The following DDHD1 variants were observed in gnomAD, a reference collection of about 807,000 sequenced individuals.
DDHD1 encodes the protein DDHD domain containing 1.
In DDHD1, 49 loss-of-function variants were observed where a neutral mutation model predicts 96.4. The observed-to-expected ratio is 0.51, with a 90% CI of 0.40 to 0.64. DDHD1 has a LOEUF of 0.64. Ranked by LOEUF, DDHD1 falls within the 30% of genes least tolerant of loss-of-function variation. The pLI, the probability that DDHD1 is intolerant of heterozygous loss-of-function variation, is 0.00. For synonymous variants in DDHD1, 442 were observed against 446.5 expected (o/e 0.99, Z 0.13); for missense variants, 1,106 against 1,161.2 (o/e 0.95, Z 0.69).
chr14:53,051,988 A>G (rs374513190), intron 11 of DDHD1, 61 bp from the exon 12 acceptor site: 52 of 1,307,260 alleles, frequency 4.0e-5, no homozygotes, highest in East Asian at 7.5e-5. Flanking sequence ...ATGGCCTTCA[A>G]TGATGTAGTG....
Position 53,152,762 on chromosome 14 carries a change from T to TGCCGCC in DDHD1, c.331_336dup (p.Gly111_Gly112dup), listed in dbSNP as rs55671452. Reference sequence around the variant, plus strand: ...TGCGGCGGGTGCAGCGACAAGGAGCTGCCGCCGCCGCCGCTCTCACCCTCG... The same window carrying TGCCGCC: ...TGCGGCGGGTGCAGCGACAAGGAGCTGCCGCCGCCGCCGCCGCCGCTCTCACCCTCG... On this transcript the variant is annotated inframe_insertion, in exon 1 of 13. Transcript: ENST00000673822. The TGCCGCC allele has an allele frequency of 0.82, 1,292,495 of 1,576,386 alleles. 533,603 individuals are homozygous for TGCCGCC. Among genetic ancestry groups the TGCCGCC allele is most frequent in the East Asian group, 0.94 (40,894 of 43,356 alleles).
chr14:53,133,258 C>T (rs1890002458), intron 1 of DDHD1, among the ~76,000 whole-genome samples: 1 of 152,192 alleles, frequency 6.6e-6, no homozygotes, highest in African/African-American at 2.4e-5. Context: ...ACTCACATGC[C>T]TCGAGTCAGG....
At chr14:53,140,879 C>T (rs940008467) in intron 1 of DDHD1, among the ~76,000 whole-genome samples, 1 of 152,032 alleles carries the variant, frequency 6.6e-6, no homozygotes, top group African/African-American at 2.4e-5. Context: ...GGAAAAGATA[C>T]AAATTGCAAA....
rs144666891 is a variant in DDHD1 at position 53,086,467 on chromosome 14, C to T, written c.1289+5318G>A. ...ATGGCGGATCTCTCGGCAGAAACTCCACAAGCCAGAAGAGAGTGGGGGCCA... is the reference window on the plus strand; with the variant it reads ...ATGGCGGATCTCTCGGCAGAAACTCTACAAGCCAGAAGAGAGTGGGGGCCA... On this transcript the variant is annotated intron_variant, in intron 4 of 12. Coordinates refer to ENST00000673822, the MANE Select transcript of DDHD1 (RefSeq NM_001160148.2). Among the ~76,000 whole-genome samples, 17 of 152,256 alleles carry T rather than the reference C, an allele frequency of 1.1e-4. No homozygotes were observed. In the East Asian group the frequency reaches 3.1e-3, roughly 28 times the overall value.
chr14:53,118,505 C>T (rs1181160002), intron 1 of DDHD1, among the ~76,000 whole-genome samples: 3 of 152,060 alleles, frequency 2.0e-5, no homozygotes, highest in African/African-American at 4.8e-5. Context: ...ACAAGAACTT[C>T]GGGACCCATG....
At chr14:53,123,195 G>A (rs952406699) in intron 1 of DDHD1, among the ~76,000 whole-genome samples, 1 of 150,778 alleles carries the variant, frequency 6.6e-6, no homozygotes, top group African/African-American at 2.4e-5. Context: ...CACCCAGGCT[G>A]GAGTGCAGTG....
intron 1 of DDHD1, among the ~76,000 whole-genome samples, chr14:53,139,230 T>C (rs1429174457): frequency 6.6e-6 from 1 of 152,096 alleles, no homozygotes; most frequent in African/African-American, 2.4e-5. Flanking sequence ...CCAGAGACAC[T>C]GTGCCTAAGA....
chr14:53,091,989 C>G, intron 3 of DDHD1, 57 bp from the exon 4 acceptor site: 1 of 1,489,318 alleles, frequency 6.7e-7, no homozygotes, highest in East Asian at 2.3e-5. Flanking sequence ...AGCATTTCCA[C>G]AATATGTTAA....
At position 53,091,772 on chromosome 14, in the gene DDHD1, T is replaced by C; in HGVS notation, c.1289+13A>G. The stretch of plus-strand genomic sequence containing the variant: ...CTAGATTAGATATACAATGCATTCA[T>C]CAAAGAACTTACATAGCTGTATTTT... On this transcript the variant is annotated intron_variant, in intron 4 of 12. Transcript: ENST00000673822. 1 of 1,612,072 alleles carries C rather than the reference T, an allele frequency of 6.2e-7. No homozygotes were observed. Among genetic ancestry groups the C allele is most frequent in the Non-Finnish European group, 8.5e-7 (1 of 1,178,888 alleles).
chr14:53,067,058 G>T (rs944338545), intron 6 of DDHD1, among the ~76,000 whole-genome samples: 4 of 151,444 alleles, frequency 2.6e-5, no homozygotes, highest in Admixed American at 6.6e-5. Context: ...TCCCAGGATA[G>T]TATCAAGTAG....
At chr14:53,120,523 C>CACCACACT (rs1371178129) in intron 1 of DDHD1, among the ~76,000 whole-genome samples, 1 of 152,136 alleles carries the variant, frequency 6.6e-6, no homozygotes, top group East Asian at 1.9e-4. Flanking sequence ...AATCTGGAGA[C>CACCACACT]ACCACACTAC....
At chr14:53,146,357 A>C (rs1207895325) in intron 1 of DDHD1, among the ~76,000 whole-genome samples, 1 of 151,088 alleles carries the variant, frequency 6.6e-6, no homozygotes, top group African/African-American at 2.4e-5. Flanking sequence ...TATAAAAATC[A>C]GCCAGGCATG....
intron 1 of DDHD1, among the ~76,000 whole-genome samples, chr14:53,146,232 G>A (rs771838857): frequency 3.3e-5 from 5 of 151,780 alleles, no homozygotes; most frequent in East Asian, 1.9e-4. Flanking sequence ...GGCCGGGCGC[G>A]GTGGCTTACA....
intron 6 of DDHD1, among the ~76,000 whole-genome samples, chr14:53,066,110 C>T (rs760061004): frequency 6.6e-6 from 1 of 152,126 alleles, no homozygotes; most frequent in Non-Finnish European, 1.5e-5. Flanking sequence ...GAAATTCGAT[C>T]TAAGATCACA....
intron 1 of DDHD1, among the ~76,000 whole-genome samples, chr14:53,130,410 C>G (rs116362860): frequency 2.0e-5 from 3 of 152,106 alleles, no homozygotes; most frequent in African/African-American, 7.2e-5. Flanking sequence ...AACCCTTAGA[C>G]GTTTTACCAC....
chr14:53,055,873 T>G lies in DDHD1; in HGVS notation c.2032A>C (p.Asn678His), dbSNP rs1883005996. 3 of 1,613,858 alleles carry G rather than the reference T, an allele frequency of 1.9e-6. No individual in the cohort carries two copies. The highest frequency in any genetic ancestry group is 2.5e-6 in the Non-Finnish European group (3 of 1,179,804). Reference protein sequence around the residue: ...LEPLILKHYSNISPVQIHWYN... With the variant: ...LEPLILKHYSHISPVQIHWYN... ...CAGTGGATCTGGACAGGTGAAATGT[T>G]GCTGTAGTGTTTCAGTATTAATGGT... Residue 678 changes from asparagine to histidine, a missense_variant, in exon 10 of 13, where the codon AAC (asparagine) becomes CAC (histidine). Physicochemically the swap from Asn to His is moderately conservative, Grantham distance 68 (BLOSUM62 1). Around this residue, in one of 2 missense-constraint regions of DDHD1, gnomAD observed 650 missense variants for 758.8 expected, o/e 0.86. Transcript: ENST00000673822.
chr14:53,059,480 C>T (rs534053424), intron 8 of DDHD1, among the ~76,000 whole-genome samples: 28 of 151,544 alleles, frequency 1.8e-4, no homozygotes, highest in Admixed American at 1.4e-3. Flanking sequence ...CTCCTGACCT[C>T]GTGATCCGCC....
At chr14:53,077,762 C>T (rs1201753523) in intron 4 of DDHD1, among the ~76,000 whole-genome samples, 1 of 151,704 alleles carries the variant, frequency 6.6e-6, no homozygotes, top group Non-Finnish European at 1.5e-5. Flanking sequence ...CGTTCATCAC[C>T]CCAGAAAGAA....
intron 1 of DDHD1, among the ~76,000 whole-genome samples, chr14:53,144,498 T>C (rs1890845804): frequency 6.6e-6 from 1 of 152,216 alleles, no homozygotes; most frequent in Non-Finnish European, 1.5e-5. Context: ...ACAACGTCTT[T>C]GGTTTGAAGT....
Sources: allele counts gnomAD v4.1 joint callset (sites outside exome capture counted in the v4.1 genomes callset), GRCh38; gene constraint gnomAD v4.1.1; regional missense constraint gnomAD v4.1.1; transcripts MANE v1.5; gene names NCBI Gene and HGNC (gene_info 2026-07-23, HGNC 2026-07-21).